ALDH1A2: variants seen among roughly 807,000 people sequenced by gnomAD.
ALDH1A2 encodes retinal dehydrogenase 2.
ALDH1A2 carries 27 observed loss-of-function variants against 60.3 expected under a neutral mutation model. That is an observed-to-expected ratio of 0.45 (90% CI 0.33 to 0.62). The LOEUF is 0.62. ALDH1A2 is among the 20% of genes least tolerant of loss of function. ALDH1A2 has a pLI of 0.02. For synonymous variants in ALDH1A2, 289 were observed against 232.4 expected, an observed-to-expected ratio of 1.24 and a Z score of -2.21; for missense variants, 581 against 643.8, an observed-to-expected ratio of 0.90 and a Z score of 1.06.
chr15:58,045,283 T>G (rs758076264), intron 1 of ALDH1A2, among the ~76,000 whole-genome samples: 16 of 152,064 alleles, frequency 1.1e-4, no homozygotes, highest in Non-Finnish European at 1.9e-4. Context: ...GGAGCACTTT[T>G]ACACTGTTGG....
Position 57,961,223 on chromosome 15 carries a change from T to C in ALDH1A2, c.1323A>G (p.Ser441=), listed in dbSNP as rs142416107. The C allele has an allele frequency of 1.2e-6, 2 of 1,614,052 alleles. No individual in the cohort carries two copies. The highest frequency in any genetic ancestry group is 2.7e-5 in the African/African-American group (2 of 74,938). Residue 441 remains serine, a synonymous_variant, in exon 11 of 13, where the codon TCA becomes TCG. Coordinates refer to ENST00000249750, the MANE Select transcript of ALDH1A2 (RefSeq NM_003888.4). ...AGACAGCTGCTACGAGTCCAAAGTC[T>C]GAGTTATTGGCTCTTTCGATAACTT... ...MDEVIERANN[S]DFGLVAAVFT... is the part of the protein sequence containing the mutation.
intron 4 of ALDH1A2, 97 bp from the exon 5 acceptor site, chr15:57,995,236 ACAAACAGAAATAAACTTG>A: frequency 4.6e-6 from 3 of 647,218 alleles, no homozygotes; most frequent in Admixed American, 2.8e-5. Context: ...AAAAAAAAAA[ACAAACAGAAATAAACTTG>A]AAAAAACATC....
At chr15:58,003,108 A>T (rs972812420) in intron 4 of ALDH1A2, among the ~76,000 whole-genome samples, 4 of 151,828 alleles carry the variant, frequency 2.6e-5, no homozygotes, top group Admixed American at 6.6e-5. Context: ...ATCGTAACAA[A>T]AGTTAGTTTA....
chr15:57,987,977 G>C (rs1396019358), intron 7 of ALDH1A2, among the ~76,000 whole-genome samples: 1 of 150,960 alleles, frequency 6.6e-6, no homozygotes, highest in African/African-American at 2.4e-5. Flanking sequence ...TACGCTACAA[G>C]AAACGTTAAA....
chr15:58,018,954 C>A (rs1430553539), intron 1 of ALDH1A2, among the ~76,000 whole-genome samples: 2 of 152,012 alleles, frequency 1.3e-5, no homozygotes, highest in East Asian at 1.9e-4. Flanking sequence ...AAAAAAAATA[C>A]ATATTATTGG....
At chr15:58,051,035 C>A (rs1896763352) in intron 1 of ALDH1A2, among the ~76,000 whole-genome samples, 1 of 152,090 alleles carries the variant, frequency 6.6e-6, no homozygotes, top group Admixed American at 6.6e-5. Flanking sequence ...TTATGTAGCA[C>A]AATCATTTTT....
chr15:57,986,712 G>A (rs1286862788), intron 7 of ALDH1A2, among the ~76,000 whole-genome samples: 2 of 151,924 alleles, frequency 1.3e-5, no homozygotes, highest in South Asian at 2.1e-4. Flanking sequence ...CACTCCCGTC[G>A]CCCAGGCTGG....
At chr15:57,998,692 G>C (rs1895149384) in intron 4 of ALDH1A2, among the ~76,000 whole-genome samples, 1 of 151,990 alleles carries the variant, frequency 6.6e-6, no homozygotes, top group African/African-American at 2.4e-5. Context: ...CACAGAATTA[G>C]AAAAAATAAC....
intron 1 of ALDH1A2, among the ~76,000 whole-genome samples, chr15:58,042,277 G>A (rs1896535181): frequency 6.6e-6 from 1 of 151,846 alleles, no homozygotes; most frequent in Non-Finnish European, 1.5e-5. Flanking sequence ...CCTTCATACA[G>A]AGCTAACTGC....
intron 1 of ALDH1A2, 136 bp from the exon 2 acceptor site, chr15:58,014,417 AC>A (rs1179766421): frequency 1.3e-6 from 1 of 774,704 alleles, no homozygotes; most frequent in Non-Finnish European, 2.2e-6. Flanking sequence ...GTTTTAAGAG[AC>A]CCTTCTAGAC....
chr15:57,999,891 G>T (rs1895202093), intron 4 of ALDH1A2, among the ~76,000 whole-genome samples: 1 of 151,994 alleles, frequency 6.6e-6, no homozygotes. Flanking sequence ...CCATAAAAAG[G>T]AATGGGATCA....
intron 1 of ALDH1A2, among the ~76,000 whole-genome samples, chr15:58,054,747 C>T (rs1268852902): frequency 6.6e-6 from 1 of 152,080 alleles, no homozygotes; most frequent in Non-Finnish European, 1.5e-5. Context: ...AAAGAAAACA[C>T]TTTTTGAATG....
chr15:58,013,802 T>G (rs964099589), intron 3 of ALDH1A2, 56 bp downstream of exon 3: 2 of 1,606,220 alleles, frequency 1.2e-6, no homozygotes, highest in African/African-American at 2.7e-5. Context: ...AGAATGTAAA[T>G]TTCAGCAGAA....
chr15:58,052,527 G>A (rs545023959), intron 1 of ALDH1A2, among the ~76,000 whole-genome samples: 8 of 151,934 alleles, frequency 5.3e-5, no homozygotes, highest in Non-Finnish European at 1.2e-4. Context: ...GTGCAGTGGC[G>A]CAATCTCGGC....
intron 4 of ALDH1A2, among the ~76,000 whole-genome samples, chr15:57,998,295 G>T (rs2704182): frequency 6.6e-6 from 1 of 152,158 alleles, no homozygotes. Flanking sequence ...CCTATATCTA[G>T]AAAACCCCAT....
intron 1 of ALDH1A2, among the ~76,000 whole-genome samples, chr15:58,052,086 G>A (rs2140571450): frequency 6.6e-6 from 1 of 152,224 alleles, no homozygotes; most frequent in South Asian, 2.1e-4. Context: ...GAAACATTTT[G>A]ATTTCCGCTG....
At chr15:58,056,140 A>G (rs535044585) in intron 1 of ALDH1A2, among the ~76,000 whole-genome samples, 1 of 152,258 alleles carries the variant, frequency 6.6e-6, no homozygotes, top group East Asian at 1.9e-4. Context: ...CTTGACATGA[A>G]TAAGTTATAA....
At chr15:58,004,719 G>GTGTGTA (rs58660133) in intron 4 of ALDH1A2, among the ~76,000 whole-genome samples, 10 of 112,948 alleles carry the variant, frequency 8.9e-5, no homozygotes, top group African/African-American at 1.2e-4. Flanking sequence ...GTGTGTGTGT[G>GTGTGTA]TATATATATA....
chr15:57,991,386 C>T (rs1386169230), intron 7 of ALDH1A2: 2 of 152,122 alleles, frequency 1.3e-5, no homozygotes, highest in African/African-American at 2.4e-5. Flanking sequence ...ACAAGGTTAA[C>T]TCGACAAACA....
Sources: gnomAD v4.1 joint callset for allele counts (sites outside exome capture counted in the v4.1 genomes callset) on GRCh38, gnomAD v4.1.1 for gene constraint, MANE v1.5 for transcripts, NCBI Gene and HGNC (gene_info 2026-07-23, HGNC 2026-07-21) for gene names.